RXRA: variants seen among roughly 807,000 people sequenced by gnomAD.
RXRA encodes retinoic acid receptor RXR-alpha.
RXRA carries 5 observed loss-of-function variants against 44.5 expected under a neutral mutation model. That is an observed-to-expected ratio of 0.11 (90% CI 0.06 to 0.24). RXRA has a LOEUF of 0.24. Among genes scored for constraint, RXRA ranks in the 10% least tolerant of loss-of-function variants. The pLI, the probability that RXRA is intolerant of heterozygous loss-of-function variation, is 1.00. For synonymous variants in RXRA, 291 were observed against 271.4 expected (o/e 1.07, Z -0.71); for missense variants, 412 against 646.5 (o/e 0.64, Z 3.93).
chr9:134,372,459 C>T (rs559873838), intron 1 of RXRA, among the ~76,000 whole-genome samples: 4 of 152,210 alleles, frequency 2.6e-5, no homozygotes, highest in African/African-American at 9.6e-5. Context: ...GGGACTGTCC[C>T]GTGAGGGGAG....
intron 1 of RXRA, among the ~76,000 whole-genome samples, chr9:134,353,734 C>T (rs545056693): frequency 6.6e-6 from 1 of 152,244 alleles, no homozygotes; most frequent in Non-Finnish European, 1.5e-5. Flanking sequence ...GAACTGCTGT[C>T]TCCTCATGCT....
intron 1 of RXRA, among the ~76,000 whole-genome samples, chr9:134,391,563 C>T (rs1204240210): frequency 1.3e-5 from 2 of 152,238 alleles, no homozygotes; most frequent in South Asian, 2.1e-4. Flanking sequence ...TCACCCTCCT[C>T]GAAGGTCTGG....
chr9:134,424,901 C>A (rs1831407771), intron 6 of RXRA: 1 of 985,340 alleles, frequency 1.0e-6, no homozygotes, highest in Non-Finnish European at 1.2e-6. Context: ...CCCCGCCCAG[C>A]TCCGGCAGGT....
chr9:134,411,403 G>A (rs1197520003), intron 4 of RXRA, among the ~76,000 whole-genome samples: 1 of 152,192 alleles, frequency 6.6e-6, no homozygotes. Context: ...AGCAGCTCAT[G>A]TGGGGGACCA....
At chr9:134,421,011 G>C (rs984420770) in intron 5 of RXRA, among the ~76,000 whole-genome samples, 2 of 152,252 alleles carry the variant, frequency 1.3e-5, no homozygotes, top group Non-Finnish European at 2.9e-5. Flanking sequence ...CCTGTCCCCA[G>C]CGTGGGCCAC....
At position 134,326,927 on chromosome 9, in the gene RXRA, T is replaced by C. The variant is rs1336821017; in HGVS notation, c.28+268T>C. Among the ~76,000 whole-genome samples the C allele has an allele frequency of 5.4e-5, 8 of 148,192 alleles. No individual in the cohort carries two copies. In the South Asian group the frequency reaches 8.4e-4, roughly 16 times the overall value. Reference sequence around the variant, plus strand: ...CAGGTTCGCCCGGGACGAGGAGGGGTCTCCCGCTCACCGGCGGCCGCCTGC... The same window carrying C: ...CAGGTTCGCCCGGGACGAGGAGGGGCCTCCCGCTCACCGGCGGCCGCCTGC... On this transcript the variant is annotated intron_variant, in intron 1 of 9. Coordinates refer to ENST00000481739, the MANE Select transcript of RXRA (RefSeq NM_002957.6).
chr9:134,436,737 A>G lies in RXRA; in HGVS notation c.*123A>G, dbSNP rs1831629156. ...CTGGCCTGTTTGGACTTTGGGGCAC[A>G]GCCTGTCACTGCTCTGCCTAAGAGA... On this transcript the variant is annotated 3_prime_UTR_variant, in exon 10 of 10. Transcript: ENST00000481739. The G allele has an allele frequency of 5.8e-6, 6 of 1,037,086 alleles. No homozygotes were observed. In the African/African-American group the frequency reaches 8.0e-5, roughly 14 times the overall value. 64.2% of individuals were successfully genotyped at this position (1,037,086 alleles called of 1,614,324 possible).
chr9:134,394,008 A>G (rs1230983912), intron 1 of RXRA, among the ~76,000 whole-genome samples: 2 of 151,534 alleles, frequency 1.3e-5, no homozygotes, highest in Non-Finnish European at 2.9e-5. Flanking sequence ...TCCCCTTGCT[A>G]TTTATGACAA....
chr9:134,347,610 AG>A (rs1473573421), intron 1 of RXRA, among the ~76,000 whole-genome samples: 1 of 152,124 alleles, frequency 6.6e-6, no homozygotes, highest in Non-Finnish European at 1.5e-5. Context: ...AGGTATGCGG[AG>A]GGTCACTGGC....
At chr9:134,418,815 C>T (rs1204911421) in intron 5 of RXRA, among the ~76,000 whole-genome samples, 1 of 152,230 alleles carries the variant, frequency 6.6e-6, no homozygotes, top group Non-Finnish European at 1.5e-5. Context: ...TGTGCTGCTC[C>T]TCACCACCAG....
chr9:134,330,719 G>A (rs147939828), intron 1 of RXRA, among the ~76,000 whole-genome samples: 2 of 152,352 alleles, frequency 1.3e-5, no homozygotes, highest in East Asian at 1.9e-4. Context: ...GACAGGTGGT[G>A]TCCCATTGCT....
intron 6 of RXRA, chr9:134,423,380 C>A (rs1831380530): frequency 2.0e-6 from 2 of 985,458 alleles, no homozygotes; most frequent in Non-Finnish European, 1.2e-6. Context: ...CTCAGCCCGA[C>A]TGGGGAGCCT....
At chr9:134,409,382 C>T (rs1831111356) in intron 4 of RXRA, among the ~76,000 whole-genome samples, 1 of 152,152 alleles carries the variant, frequency 6.6e-6, no homozygotes, top group Admixed American at 6.5e-5. Context: ...CCTCAGGTGG[C>T]ACTGCTTAGG....
At chr9:134,339,688 T>A (rs1254752466) in intron 1 of RXRA, among the ~76,000 whole-genome samples, 26 of 150,268 alleles carry the variant, frequency 1.7e-4, no homozygotes, top group Non-Finnish European at 3.6e-4. Context: ...TGTGTGTGTG[T>A]GTCTCTGTGT....
At chr9:134,382,256 A>G (rs1236367032) in intron 1 of RXRA, among the ~76,000 whole-genome samples, 1 of 150,736 alleles carries the variant, frequency 6.6e-6, no homozygotes, top group African/African-American at 2.5e-5. Flanking sequence ...GGAGGAAGGA[A>G]GAGGTTTGGG....
intron 1 of RXRA, among the ~76,000 whole-genome samples, chr9:134,364,364 C>G (rs1307957304): frequency 1.3e-5 from 2 of 152,220 alleles, no homozygotes; most frequent in Non-Finnish European, 2.9e-5. Context: ...TGGCCTCCAC[C>G]CCAGCATTGA....
At chr9:134,409,744 G>A (rs34404872) in intron 4 of RXRA, among the ~76,000 whole-genome samples, 11 of 152,172 alleles carry the variant, frequency 7.2e-5, no homozygotes, top group African/African-American at 2.7e-4. Context: ...CAGGTTTGGC[G>A]ATTCCTGGCC....
intron 1 of RXRA, among the ~76,000 whole-genome samples, chr9:134,348,793 CTT>C (rs1830185951): frequency 9.7e-6 from 1 of 103,388 alleles, no homozygotes; most frequent in Non-Finnish European, 1.8e-5. Flanking sequence ...GGTCAGAAGA[CTT>C]CCCGGACGCT....
At chr9:134,425,613 G>T in intron 6 of RXRA, 1 of 961,212 alleles carries the variant, frequency 1.0e-6, no homozygotes, top group Non-Finnish European at 1.2e-6. Context: ...GGCTGGGAGG[G>T]AGGGAGGGAG....
Sources: gnomAD v4.1 joint callset for allele counts (sites outside exome capture counted in the v4.1 genomes callset) on GRCh38, gnomAD v4.1.1 for gene constraint, MANE v1.5 for transcripts, NCBI Gene and HGNC (gene_info 2026-07-23, HGNC 2026-07-21) for gene names.